Variants in WWOX observed in about 807,000 individuals in gnomAD.
WWOX encodes WW domain-containing oxidoreductase.
In WWOX, 69 loss-of-function variants were observed where a neutral mutation model predicts 46.2. That is an observed-to-expected ratio of 1.49 (90% CI 1.23 to 1.82). The LOEUF (loss-of-function observed/expected upper bound fraction) is 1.82. WWOX is among the 40% of genes most tolerant of loss of function. The pLI, the probability that WWOX is intolerant of heterozygous loss-of-function variation, is 0.00. For synonymous variants in WWOX, 359 were observed against 202.6 expected, an observed-to-expected ratio of 1.77 and a Z score of -6.56; for missense variants, 919 against 542.6, an observed-to-expected ratio of 1.69 and a Z score of -6.89.
intron 8 of WWOX, among the ~76,000 whole-genome samples, chr16:78,471,738 T>G (rs934776753): frequency 6.6e-6 from 1 of 152,220 alleles, no homozygotes; most frequent in South Asian, 2.1e-4. Flanking sequence ...TGAACATCAT[T>G]TGGCCTGAAC....
rs149205313 is a variant in WWOX at position 78,412,456 on chromosome 16, C to T, written c.606-12414C>T. On this transcript the variant is annotated intron_variant, in intron 6 of 8. Transcript: ENST00000566780. ...TTGAAGTCTTCATGGCGATTTTGTT[C>T]GGAGTCATGGATTTGGAAGAAACTG... 6.5e-3 allele frequency among the ~76,000 whole-genome samples: 989 copies of T among 152,072 alleles called. 10 individuals carry two copies. The highest frequency in any genetic ancestry group is 0.037 in the Middle Eastern group (11 of 294).
chr16:78,783,052 C>G (rs1215376108), intron 8 of WWOX, among the ~76,000 whole-genome samples: 1 of 152,190 alleles, frequency 6.6e-6, no homozygotes, highest in Non-Finnish European at 1.5e-5. Flanking sequence ...ATCACTTAAA[C>G]TCAATATGGA....
At position 78,291,044 on chromosome 16, in the gene WWOX, GC is replaced by G. The variant is rs1477450407; in HGVS notation, c.517-95814del. ...ATTATACTTAGGCTGGTGTTAGGAT[GC>G]CGTGGCTGCCAAGTTTACACAGTGC... On this transcript the variant is annotated intron_variant, in intron 5 of 8. Transcript: ENST00000566780. Among the ~76,000 whole-genome samples the G allele has an allele frequency of 7.2e-5, 11 of 152,096 alleles. No individual in the cohort carries two copies. The East Asian group carries it at 1.9e-3, about 27-fold the overall frequency.
intron 6 of WWOX, among the ~76,000 whole-genome samples, chr16:78,411,176 G>C (rs1452418271): frequency 6.6e-6 from 1 of 152,120 alleles, no homozygotes; most frequent in Non-Finnish European, 1.5e-5. Flanking sequence ...TGAGGTGAGG[G>C]GATTACACAA....
At chr16:79,182,219 C>A (rs1400749553) in intron 8 of WWOX, among the ~76,000 whole-genome samples, 1 of 151,892 alleles carries the variant, frequency 6.6e-6, no homozygotes, top group Non-Finnish European at 1.5e-5. Flanking sequence ...GACTCAGGCA[C>A]CATTAGCATC....
chr16:78,372,236 A>G (rs895742987), intron 5 of WWOX, among the ~76,000 whole-genome samples: 1 of 152,162 alleles, frequency 6.6e-6, no homozygotes, highest in Non-Finnish European at 1.5e-5. Flanking sequence ...CTTTTCTTCC[A>G]AAGGCAGAGT....
intron 8 of WWOX, among the ~76,000 whole-genome samples, chr16:79,161,128 G>C (rs1356220431): frequency 6.6e-6 from 1 of 152,180 alleles, no homozygotes; most frequent in Admixed American, 6.5e-5. Flanking sequence ...GTTTGCCATG[G>C]ATTAGATAAG....
At chr16:78,919,888 C>G (rs547353411) in intron 8 of WWOX, among the ~76,000 whole-genome samples, 2 of 152,086 alleles carry the variant, frequency 1.3e-5, no homozygotes, top group South Asian at 4.2e-4. Flanking sequence ...CCAGTCTGTA[C>G]AGTTGATTAT....
intron 8 of WWOX, among the ~76,000 whole-genome samples, chr16:78,795,936 G>T (rs934741566): frequency 6.6e-6 from 1 of 152,180 alleles, no homozygotes; most frequent in African/African-American, 2.4e-5. Flanking sequence ...CGAAATGGAA[G>T]ATAATTGAGG....
intron 4 of WWOX, chr16:78,123,376 C>T (rs182047528): frequency 6.7e-6 from 1 of 149,168 alleles, no homozygotes; most frequent in Non-Finnish European, 1.5e-5. Flanking sequence ...GTATTAATAC[C>T]TCTGTTTAAG....
chr16:78,844,159 T>C (rs1013342119), intron 8 of WWOX, among the ~76,000 whole-genome samples: 2 of 152,190 alleles, frequency 1.3e-5, no homozygotes, highest in African/African-American at 4.8e-5. Flanking sequence ...TTTAGCCAAG[T>C]AAAACTGTAA....
rs138458860 is a variant in WWOX at position 78,972,866 on chromosome 16, C to T, written c.1057-238742C>T. On this transcript the variant is annotated intron_variant, in intron 8 of 8. Transcript: ENST00000566780. ...ATAAATCTGTCCTCTGAACTTAACA[C>T]GTCTCCCCGCCTTGTAAGGGCTGCC... Among the ~76,000 whole-genome samples the T allele has an allele frequency of 9.0e-3, 1,378 of 152,312 alleles. 25 individuals carry two copies. Among genetic ancestry groups the T allele is most frequent in the African/African-American group, 0.032 (1,318 of 41,572 alleles).
At chr16:79,131,931 C>T (rs1413215163) in intron 8 of WWOX, among the ~76,000 whole-genome samples, 1 of 152,116 alleles carries the variant, frequency 6.6e-6, no homozygotes, top group Non-Finnish European at 1.5e-5. Flanking sequence ...AGGGAAACCC[C>T]TGTTTTTAAA....
At chr16:78,619,478 A>G (rs2046123418) in intron 8 of WWOX, among the ~76,000 whole-genome samples, 1 of 151,316 alleles carries the variant, frequency 6.6e-6, no homozygotes, top group Admixed American at 6.6e-5. Context: ...CATGTTATAC[A>G]CAGAATAATT....
intron 8 of WWOX, among the ~76,000 whole-genome samples, chr16:78,495,439 C>T (rs904969974): frequency 2.1e-5 from 3 of 145,232 alleles, no homozygotes; most frequent in Non-Finnish European, 4.6e-5. Context: ...CTGCACCTGG[C>T]CAGTAGTAGA....
intron 8 of WWOX, among the ~76,000 whole-genome samples, chr16:78,966,061 T>C (rs1400148635): frequency 6.6e-6 from 1 of 152,224 alleles, no homozygotes; most frequent in Non-Finnish European, 1.5e-5. Flanking sequence ...GGATACACTG[T>C]GTGACCAGCT....
At chr16:78,373,471 C>A (rs899870615) in intron 5 of WWOX, among the ~76,000 whole-genome samples, 5 of 152,124 alleles carry the variant, frequency 3.3e-5, no homozygotes, top group Non-Finnish European at 7.3e-5. Flanking sequence ...TGCTCAGTGA[C>A]CATTAGTGGA....
chr16:78,227,140 T>C (rs1005966361), intron 5 of WWOX, among the ~76,000 whole-genome samples: 4 of 152,172 alleles, frequency 2.6e-5, no homozygotes, highest in African/African-American at 9.7e-5. Flanking sequence ...TACCACGAAA[T>C]CATTTTATCT....
intron 8 of WWOX, among the ~76,000 whole-genome samples, chr16:78,581,717 C>G (rs1445761979): frequency 2.0e-5 from 3 of 152,060 alleles, no homozygotes; most frequent in African/African-American, 7.2e-5. Context: ...CTTAACTTAC[C>G]AAGGTTATTT....
Sources: allele counts gnomAD v4.1 joint callset (sites outside exome capture counted in the v4.1 genomes callset), GRCh38; gene constraint gnomAD v4.1.1; transcripts MANE v1.5; gene names NCBI Gene and HGNC (gene_info 2026-07-23, HGNC 2026-07-21).